Variants in CNTN4 observed in about 807,000 individuals in gnomAD.
CNTN4 encodes contactin 4.
A neutral mutation model predicts 122.5 loss-of-function variants in CNTN4; 77 were observed. The ratio of observed to expected loss-of-function variants is 0.63; its 90% CI spans 0.52 to 0.76. The LOEUF is 0.76. Among genes scored for constraint, CNTN4 ranks in the 30% least tolerant of loss-of-function variants. The probability of loss-of-function intolerance (pLI) is 0.00; values close to 1 mark genes in which losing one functional copy is unlikely to be tolerated. For synonymous variants in CNTN4, 512 were observed against 447.0 expected, an observed-to-expected ratio of 1.15 and a Z score of -1.83; for missense variants, 1,256 against 1,259.1, an observed-to-expected ratio of 1.00 and a Z score of 0.04.
chr3:2,138,157 C>T (rs1272997769), intron 2 of CNTN4, among the ~76,000 whole-genome samples: 5 of 151,684 alleles, frequency 3.3e-5, no homozygotes, highest in African/African-American at 9.7e-5. Context: ...ACCTCCACTT[C>T]CCGGGTTCAA....
chr3:2,118,083 C>T (rs1307898025), intron 2 of CNTN4, among the ~76,000 whole-genome samples: 1 of 152,086 alleles, frequency 6.6e-6, no homozygotes, highest in Non-Finnish European at 1.5e-5. Context: ...ATTAATTGAA[C>T]ATTTATAATG....
At chr3:2,585,958 A>C (rs1041532231) in intron 4 of CNTN4, among the ~76,000 whole-genome samples, 2 of 151,998 alleles carry the variant, frequency 1.3e-5, no homozygotes, top group Admixed American at 6.6e-5. Flanking sequence ...CTTTTATCAT[A>C]TATTTCATCA....
chr3:2,115,994 G>T (rs1005755394), intron 2 of CNTN4, among the ~76,000 whole-genome samples: 3 of 152,162 alleles, frequency 2.0e-5, no homozygotes, highest in Non-Finnish European at 4.4e-5. Flanking sequence ...TATGCAGTGA[G>T]ACTTAAATCT....
At chr3:2,732,296 C>T (rs981322376) in intron 4 of CNTN4, among the ~76,000 whole-genome samples, 2 of 152,138 alleles carry the variant, frequency 1.3e-5, no homozygotes, top group African/African-American at 4.8e-5. Context: ...CAGATTAATG[C>T]ACCCCAGATT....
chr3:2,911,887 G>C (rs2094304110), intron 12 of CNTN4, among the ~76,000 whole-genome samples: 1 of 152,126 alleles, frequency 6.6e-6, no homozygotes, highest in Non-Finnish European at 1.5e-5. Flanking sequence ...AAATTATTGA[G>C]GCAGAGGAGC....
intron 4 of CNTN4, among the ~76,000 whole-genome samples, chr3:2,579,737 A>G (rs1269891394): frequency 6.6e-6 from 1 of 152,214 alleles, no homozygotes; most frequent in Non-Finnish European, 1.5e-5. Flanking sequence ...TTTAACTTAG[A>G]ACTAAGCTAT....
intron 15 of CNTN4, among the ~76,000 whole-genome samples, chr3:3,030,334 C>G (rs949309896): frequency 6.6e-6 from 1 of 152,190 alleles, no homozygotes; most frequent in Non-Finnish European, 1.5e-5. Context: ...CTAGGTGATG[C>G]GAGATTTCCT....
At chr3:2,814,491 G>T (rs1355796669) in intron 6 of CNTN4, among the ~76,000 whole-genome samples, 1 of 152,166 alleles carries the variant, frequency 6.6e-6, no homozygotes, top group Non-Finnish European at 1.5e-5. Flanking sequence ...CAATCTCCAT[G>T]TTGAGTGCCC....
intron 6 of CNTN4, among the ~76,000 whole-genome samples, chr3:2,812,133 G>A (rs1449914101): frequency 6.6e-6 from 1 of 152,144 alleles, no homozygotes; most frequent in Admixed American, 6.6e-5. Flanking sequence ...GAGAGTGGAG[G>A]GCGGGAGGAG....
intron 4 of CNTN4, among the ~76,000 whole-genome samples, chr3:2,688,922 G>A (rs1346108375): frequency 6.6e-6 from 1 of 152,124 alleles, no homozygotes; most frequent in Non-Finnish European, 1.5e-5. Flanking sequence ...CTACAGAACA[G>A]GTCCAAGATG....
intron 4 of CNTN4, among the ~76,000 whole-genome samples, chr3:2,590,391 G>A (rs558566551): frequency 1.3e-5 from 2 of 152,100 alleles, no homozygotes; most frequent in East Asian, 3.9e-4. Context: ...CCAGTAGCTG[G>A]GATTACAGAC....
intron 4 of CNTN4, among the ~76,000 whole-genome samples, chr3:2,619,975 C>G (rs1374852023): frequency 6.7e-6 from 1 of 149,622 alleles, no homozygotes; most frequent in Non-Finnish European, 1.5e-5. Context: ...ACTTTTTTCC[C>G]CTGGCATAAA....
chr3:2,278,211 TA>T (rs2041590226), intron 2 of CNTN4, among the ~76,000 whole-genome samples: 1 of 152,178 alleles, frequency 6.6e-6, no homozygotes, highest in East Asian at 1.9e-4. Flanking sequence ...CAAAAGCGTA[TA>T]ATCAATGAAG....
Position 2,916,996 on chromosome 3 carries a change from C to T in CNTN4, c.1208-8633C>T, listed in dbSNP as rs532062783. ...AGCGAGCCGAGATCACGCCACTGCA[C>T]TCCAGCCTGGGCACCATTGAGCACT... On this transcript the variant is annotated intron_variant, in intron 12 of 24. Coordinates refer to ENST00000418658, the MANE Select transcript of CNTN4 (RefSeq NM_175607.3). Among the ~76,000 whole-genome samples the T allele has an allele frequency of 3.2e-4, 41 of 127,492 alleles. 8 individuals are homozygous for T. In the South Asian group the frequency reaches 0.011, roughly 34 times the overall value. 83.6% of individuals were successfully genotyped at this position (127,492 alleles called of 152,430 possible).
intron 4 of CNTN4, among the ~76,000 whole-genome samples, chr3:2,693,512 AAT>A (rs1056828094): frequency 6.6e-6 from 1 of 152,188 alleles, no homozygotes; most frequent in African/African-American, 2.4e-5. Context: ...TTCAATTTTC[AAT>A]ATGTTTTAAA....
intron 2 of CNTN4, among the ~76,000 whole-genome samples, chr3:2,271,032 T>G (rs1184790263): frequency 6.7e-6 from 1 of 150,024 alleles, no homozygotes; most frequent in Non-Finnish European, 1.5e-5. Flanking sequence ...CTTAGGGACC[T>G]CTCTGCTTTT....
At chr3:2,429,969 C>T (rs1019188752) in intron 3 of CNTN4, among the ~76,000 whole-genome samples, 7 of 152,288 alleles carry the variant, frequency 4.6e-5, no homozygotes, top group Middle Eastern at 3.4e-3. Context: ...CCATCTGTCA[C>T]GGCTTCCCTT....
rs182446807 is a variant in CNTN4, at chr3:2,264,409, T to C, written c.-144-74769T>C. On this transcript the variant is annotated intron_variant, in intron 2 of 24. Transcript: ENST00000418658. ...TGTAATATACCCATTGGCCATTTGT[T>C]TGTCTTCTTTTAAAAAATGTCTATT... Among the ~76,000 whole-genome samples the C allele has an allele frequency of 1.8e-3, 272 of 152,270 alleles. 1 individual carries two copies. Among genetic ancestry groups the C allele is most frequent in the African/African-American group, 6.0e-3 (251 of 41,576 alleles).
chr3:2,281,149 A>G (rs74897052), intron 2 of CNTN4, among the ~76,000 whole-genome samples: 15,232 of 152,186 alleles, frequency 0.1, 918 homozygotes, highest in Middle Eastern at 0.14. Context: ...AATTATTACT[A>G]GCTTTTTGTG....
Sources: allele counts gnomAD v4.1 joint callset (sites outside exome capture counted in the v4.1 genomes callset), GRCh38; gene constraint gnomAD v4.1.1; transcripts MANE v1.5; gene names NCBI Gene and HGNC (gene_info 2026-07-23, HGNC 2026-07-21).